CTNNA3: variants seen among roughly 807,000 people sequenced by gnomAD.
The protein encoded by CTNNA3 is catenin alpha-3.
A neutral mutation model predicts 95.7 loss-of-function variants in CTNNA3; 76 were observed. The ratio of observed to expected loss-of-function variants is 0.79; its 90% CI spans 0.66 to 0.96. CTNNA3 has a LOEUF of 0.96. CTNNA3 is among the 40% of genes least tolerant of loss of function. The probability of loss-of-function intolerance (pLI) is 0.00; values close to 1 mark genes in which losing one functional copy is unlikely to be tolerated. For missense variants in CTNNA3, 1,191 were observed against 1,089.8 expected (o/e 1.09, Z -1.31); for synonymous variants, 431 against 374.4 (o/e 1.15, Z -1.74).
At chr10:66,982,638 A>T (rs6480244) in intron 7 of CTNNA3, among the ~76,000 whole-genome samples, 2 of 151,950 alleles carry the variant, frequency 1.3e-5, no homozygotes, top group African/African-American at 4.8e-5. Flanking sequence ...AAAAATTGTT[A>T]ACCTTGTGAG....
At chr10:66,989,289 A>T (rs1174795632) in intron 7 of CTNNA3, among the ~76,000 whole-genome samples, 1 of 152,142 alleles carries the variant, frequency 6.6e-6, no homozygotes, top group Non-Finnish European at 1.5e-5. Context: ...ATACAGCATA[A>T]AGTTCTCACA....
At chr10:67,690,341 A>G (rs1318683556) in intron 1 of CTNNA3, among the ~76,000 whole-genome samples, 1 of 152,164 alleles carries the variant, frequency 6.6e-6, no homozygotes, top group African/African-American at 2.4e-5. Flanking sequence ...AAGATTTATT[A>G]TGAAGAGTGA....
chr10:66,943,319 T>G (rs1848113913), intron 7 of CTNNA3, among the ~76,000 whole-genome samples: 2 of 152,186 alleles, frequency 1.3e-5, no homozygotes, highest in Admixed American at 6.6e-5. Flanking sequence ...GACTTTGAAG[T>G]GTTAAATCTT....
chr10:67,271,515 T>A (rs1006916601), intron 5 of CTNNA3, among the ~76,000 whole-genome samples: 2 of 152,102 alleles, frequency 1.3e-5, no homozygotes, highest in African/African-American at 2.4e-5. Context: ...CCTTTACAAA[T>A]TACCCAGTCC....
chr10:67,751,090 T>C, intron 1 of CTNNA3: 3 of 1,426,712 alleles, frequency 2.1e-6, no homozygotes, highest in African/African-American at 1.4e-5. Context: ...CCAGCACGCA[T>C]TGTTGAGAAC....
chr10:66,809,357 G>A (rs559350853), intron 7 of CTNNA3, among the ~76,000 whole-genome samples: 7 of 151,630 alleles, frequency 4.6e-5, no homozygotes, highest in South Asian at 4.2e-4. Context: ...TTAAAATATC[G>A]GTTTACATCA....
chr10:66,105,276 T>G (rs1476325736), intron 13 of CTNNA3, among the ~76,000 whole-genome samples: 1 of 152,222 alleles, frequency 6.6e-6, no homozygotes, highest in African/African-American at 2.4e-5. Context: ...CAATCATATA[T>G]CGCATTATTA....
intron 13 of CTNNA3, among the ~76,000 whole-genome samples, chr10:66,114,650 G>C (rs1193929873): frequency 1.3e-5 from 2 of 151,848 alleles, no homozygotes; most frequent in African/African-American, 4.8e-5. Flanking sequence ...GGAGGCGGAA[G>C]CAGGCAGATC....
intron 11 of CTNNA3, among the ~76,000 whole-genome samples, chr10:66,444,611 G>A (rs193194690): frequency 0.049 from 7,509 of 152,080 alleles, 262 homozygotes; most frequent in East Asian, 0.11. Flanking sequence ...ATACTTTACA[G>A]ACAAGCAAAT....
At chr10:66,404,399 T>C (rs1051338178) in intron 11 of CTNNA3, among the ~76,000 whole-genome samples, 1 of 152,132 alleles carries the variant, frequency 6.6e-6, no homozygotes, top group African/African-American at 2.4e-5. Context: ...TTGATTTTGT[T>C]TGTGCAGCAG....
chr10:67,751,077 A>T, intron 1 of CTNNA3: 1 of 1,450,746 alleles, frequency 6.9e-7, no homozygotes, highest in African/African-American at 1.4e-5. Flanking sequence ...CAAGTCTGTG[A>T]CACCAGCACG....
At chr10:67,242,939 A>T (rs1865770735) in intron 5 of CTNNA3, among the ~76,000 whole-genome samples, 1 of 152,230 alleles carries the variant, frequency 6.6e-6, no homozygotes, top group African/African-American at 2.4e-5. Context: ...GGTATTAATG[A>T]AGTTAAATGA....
intron 5 of CTNNA3, among the ~76,000 whole-genome samples, chr10:67,251,631 A>G (rs1446748225): frequency 6.6e-6 from 1 of 152,206 alleles, no homozygotes; most frequent in Non-Finnish European, 1.5e-5. Context: ...CCAATGAGGA[A>G]GAAGAGGAAG....
At chr10:66,189,580 C>G (rs2086541473) in intron 13 of CTNNA3, among the ~76,000 whole-genome samples, 3 of 124,606 alleles carry the variant, frequency 2.4e-5, no homozygotes, top group African/African-American at 3.8e-5. Context: ...CAGTACCATA[C>G]TGTTTTAGTT....
At chr10:67,405,455 T>A (rs1285713337) in intron 5 of CTNNA3, among the ~76,000 whole-genome samples, 1 of 152,050 alleles carries the variant, frequency 6.6e-6, no homozygotes, top group Non-Finnish European at 1.5e-5. Flanking sequence ...AAGAAGAGTA[T>A]TACATAATGA....
intron 11 of CTNNA3, among the ~76,000 whole-genome samples, chr10:66,421,793 C>T (rs1476703004): frequency 6.8e-6 from 1 of 146,302 alleles, no homozygotes; most frequent in Non-Finnish European, 1.5e-5. Context: ...CGAGACTGTG[C>T]CACTGCACTC....
intron 7 of CTNNA3, among the ~76,000 whole-genome samples, chr10:66,906,669 G>A (rs1846000878): frequency 6.6e-6 from 1 of 152,050 alleles, no homozygotes; most frequent in African/African-American, 2.4e-5. Flanking sequence ...GTGTTTGTGT[G>A]TGCATATTGA....
intron 12 of CTNNA3, among the ~76,000 whole-genome samples, chr10:66,368,264 C>T (rs1225843476): frequency 6.6e-6 from 1 of 151,992 alleles, no homozygotes; most frequent in Non-Finnish European, 1.5e-5. Context: ...CCTTGCAGAA[C>T]TCAGTGTTGT....
At chr10:66,308,851 A>T (rs768917201) in intron 12 of CTNNA3, among the ~76,000 whole-genome samples, 4 of 152,150 alleles carry the variant, frequency 2.6e-5, no homozygotes, top group Non-Finnish European at 5.9e-5. Context: ...AATCAGGGTG[A>T]CTTGAAGTTC....
Sources: gnomAD v4.1 joint callset for allele counts (sites outside exome capture counted in the v4.1 genomes callset) on GRCh38, gnomAD v4.1.1 for gene constraint, MANE v1.5 for transcripts, NCBI Gene and HGNC (gene_info 2026-07-23, HGNC 2026-07-21) for gene names.